The following DAPK1 variants were observed in gnomAD, a reference collection of about 807,000 sequenced individuals.
DAPK1 encodes death-associated protein kinase 1.
Under a neutral mutation model 144.9 loss-of-function variants are expected in DAPK1, and 56 were observed. The observed-to-expected ratio is 0.39, with a 90% CI of 0.31 to 0.48. The LOEUF is 0.48. Among genes scored for constraint, DAPK1 ranks in the 20% least tolerant of loss-of-function variants. The pLI, the probability that DAPK1 is intolerant of heterozygous loss-of-function variation, is 0.95. For missense variants in DAPK1, 1,454 were observed against 1,875.4 expected (o/e 0.78, Z 4.15); for synonymous variants, 690 against 749.0 (o/e 0.92, Z 1.29).
At chr9:87,560,667 CTT>C (rs35938750) in intron 2 of DAPK1, among the ~76,000 whole-genome samples, 56,228 of 133,142 alleles carry the variant, frequency 0.42, 13,386 homozygotes, top group African/African-American at 0.71. Context: ...TCAGAACGTA[CTT>C]TTTTTTTTTT....
At chr9:87,609,256 G>A (rs36207730) in intron 3 of DAPK1, among the ~76,000 whole-genome samples, 2,990 of 152,266 alleles carry the variant, frequency 0.02, 92 homozygotes, top group African/African-American at 0.067. Flanking sequence ...CCAGCTTGCC[G>A]ACTCACCTGG....
intron 20 of DAPK1, among the ~76,000 whole-genome samples, chr9:87,684,360 A>T (rs1824754656): frequency 6.6e-6 from 1 of 152,178 alleles, no homozygotes; most frequent in Admixed American, 6.5e-5. Context: ...CTTTCAGGCC[A>T]GGGCTCTGGA....
At chr9:87,563,487 G>A (rs369076713) in intron 2 of DAPK1, among the ~76,000 whole-genome samples, 3 of 152,284 alleles carry the variant, frequency 2.0e-5, no homozygotes, top group South Asian at 2.1e-4. Context: ...TTGACTCCCC[G>A]TATTCCCTGA....
intron 2 of DAPK1, among the ~76,000 whole-genome samples, chr9:87,541,283 C>T (rs1462852113): frequency 2.6e-5 from 4 of 152,142 alleles, no homozygotes; most frequent in Non-Finnish European, 2.9e-5. Context: ...CATGGCGGCT[C>T]ACACCTGTAA....
At chr9:87,537,280 C>T (rs1052714297) in intron 2 of DAPK1, among the ~76,000 whole-genome samples, 2 of 152,202 alleles carry the variant, frequency 1.3e-5, no homozygotes, top group African/African-American at 2.4e-5. Context: ...GCCACCGCAT[C>T]CAGCCCCTAT....
intron 18 of DAPK1, among the ~76,000 whole-genome samples, chr9:87,668,235 A>G (rs1012757746): frequency 1.3e-5 from 2 of 152,198 alleles, no homozygotes; most frequent in Admixed American, 1.3e-4. Context: ...TTGGCACCTG[A>G]TGAGAATCTT....
chr9:87,566,746 G>T (rs1419637130), intron 2 of DAPK1, among the ~76,000 whole-genome samples: 1 of 152,176 alleles, frequency 6.6e-6, no homozygotes, highest in Non-Finnish European at 1.5e-5. Flanking sequence ...AACAAGGATG[G>T]GTTGGACACG....
intron 12 of DAPK1, 71 bp from the exon 13 acceptor site, chr9:87,646,390 G>T (rs1311820758): frequency 1.8e-6 from 2 of 1,099,788 alleles, no homozygotes; most frequent in Non-Finnish European, 2.8e-6. Flanking sequence ...TGTGGTAACA[G>T]CAATCATCGT....
intron 18 of DAPK1, among the ~76,000 whole-genome samples, chr9:87,666,387 C>G (rs1322400083): frequency 6.6e-6 from 1 of 152,058 alleles, no homozygotes; most frequent in Non-Finnish European, 1.5e-5. Context: ...TGAATAGTGT[C>G]CTTTAGAGCA....
At position 87,643,481 on chromosome 9, in the gene DAPK1, G is replaced by A. The variant is rs368931821; in HGVS notation, c.1011+13G>A. On this transcript the variant is annotated intron_variant, in intron 11 of 25. Coordinates refer to ENST00000408954, the MANE Select transcript of DAPK1 (RefSeq NM_004938.4). ...CGATGATACTCTGGTAAGCAAACCC[G>A]TGAGCCCTGGTGCTCCTTTCTTAGC... 91 of 1,498,890 alleles carry A rather than the reference G, an allele frequency of 6.1e-5. No homozygotes were observed. The highest frequency in any genetic ancestry group is 3.4e-4 in the Middle Eastern group (2 of 5,820). The allele number at this position is 1,498,890 out of a possible 1,614,324, so 92.8% of individuals were successfully genotyped here.
chr9:87,498,058 C>T lies in DAPK1; in HGVS notation c.-158C>T, dbSNP rs889712773. The T allele has an allele frequency of 5.8e-4, 232 of 397,288 alleles. 2 individuals are homozygous for T. The highest frequency in any genetic ancestry group is 4.2e-3 in the African/African-American group (207 of 48,706). 24.6% of individuals were successfully genotyped at this position (397,288 alleles called of 1,614,324 possible). On this transcript the variant is annotated 5_prime_UTR_variant, in exon 1 of 26. Coordinates refer to ENST00000408954, the MANE Select transcript of DAPK1 (RefSeq NM_004938.4). ...AGTCTCCGGCGCTGGCGCCTATGGT[C>T]GGCCTCCGACAGCGCTCCGGAGGGA...
chr9:87,531,290 A>G (rs941194687), intron 2 of DAPK1, among the ~76,000 whole-genome samples: 1 of 152,184 alleles, frequency 6.6e-6, no homozygotes, highest in Non-Finnish European at 1.5e-5. Flanking sequence ...GCTGGAGTTC[A>G]TTACTGGTGC....
chr9:87,624,928 C>G (rs2119060759), intron 3 of DAPK1, among the ~76,000 whole-genome samples: 1 of 152,314 alleles, frequency 6.6e-6, no homozygotes, highest in East Asian at 1.9e-4. Context: ...GGTGACTGTG[C>G]AGGCCACAGC....
intron 2 of DAPK1, among the ~76,000 whole-genome samples, chr9:87,594,815 C>G (rs1261872350): frequency 2.0e-5 from 3 of 152,222 alleles, no homozygotes; most frequent in Non-Finnish European, 2.9e-5. Context: ...CTAGGCAGCC[C>G]TTTCACCAGT....
intron 2 of DAPK1, among the ~76,000 whole-genome samples, chr9:87,521,234 C>G (rs1825286985): frequency 6.6e-6 from 1 of 152,162 alleles, no homozygotes; most frequent in Non-Finnish European, 1.5e-5. Flanking sequence ...GTTTAGCAAC[C>G]AGGTCATGAA....
chr9:87,645,614 TATC>T (rs1189576439), intron 11 of DAPK1, among the ~76,000 whole-genome samples: 7 of 152,236 alleles, frequency 4.6e-5, no homozygotes, highest in African/African-American at 1.7e-4. Flanking sequence ...AAGGGTTACT[TATC>T]ATCATTATTT....
Position 87,708,221 on chromosome 9 carries a change from T to C in DAPK1, c.*857T>C. Reference sequence around the variant, plus strand: ...CTTCATCATTCCCTCTCATCTCAGGTAGAAGGTTGACACAGTTGTAGGGTT... The same window carrying C: ...CTTCATCATTCCCTCTCATCTCAGGCAGAAGGTTGACACAGTTGTAGGGTT... On this transcript the variant is annotated 3_prime_UTR_variant, in exon 26 of 26. Transcript: ENST00000408954. 4.8e-6 allele frequency: 1 copy of C among 207,476 alleles called. No individual in the cohort carries two copies. Among genetic ancestry groups the C allele is most frequent in the South Asian group, 8.6e-5 (1 of 11,582 alleles). The allele number at this position is 207,476 out of a possible 1,614,324, so 12.9% of individuals were successfully genotyped here. A position where few individuals can be genotyped will look rare whatever the true frequency, so the allele number is the denominator to read the frequency against.
At chr9:87,632,112 ATG>A (rs527883819) in intron 3 of DAPK1, 28 of 629,908 alleles carry the variant, frequency 4.4e-5, no homozygotes, top group East Asian at 1.3e-4. Flanking sequence ...ATATATATGT[ATG>A]TGTGTGTGTA....
At chr9:87,616,302 G>A (rs949839657) in intron 3 of DAPK1, among the ~76,000 whole-genome samples, 1 of 152,182 alleles carries the variant, frequency 6.6e-6, no homozygotes, top group African/African-American at 2.4e-5. Context: ...GTTTCTTTGA[G>A]GGCAAGACTA....
Sources: allele counts gnomAD v4.1 joint callset (sites outside exome capture counted in the v4.1 genomes callset), GRCh38; gene constraint gnomAD v4.1.1; transcripts MANE v1.5; gene names NCBI Gene and HGNC (gene_info 2026-07-23, HGNC 2026-07-21).